DPY30: variants seen among roughly 807,000 people sequenced by gnomAD.
DPY30 encodes the protein protein dpy-30 homolog.
Under a neutral mutation model 16.2 loss-of-function variants are expected in DPY30, and 6 were observed. The observed-to-expected ratio is 0.37, with a 90% confidence interval of 0.20 to 0.73. The LOEUF (loss-of-function observed/expected upper bound fraction) is 0.73. Ranked by LOEUF, DPY30 falls within the 30% of genes least tolerant of loss-of-function variation. The pLI is 0.51. For missense variants in DPY30, 73 were observed against 113.1 expected, an observed-to-expected ratio of 0.65 and a Z score of 1.61; for synonymous variants, 39 against 38.8, an observed-to-expected ratio of 1.00 and a Z score of -0.02.
At chr2:32,019,619 T>C (rs1675132631), downstream of DPY30, among the ~76,000 whole-genome samples, 1 of 151,510 alleles carries the variant, frequency 6.6e-6, no homozygotes. Flanking sequence ...GTCAGGAGTT[T>C]GAGACCAGCC....
intron 4 of DPY30, among the ~76,000 whole-genome samples, chr2:32,029,279 A>G (rs1309930426): frequency 6.6e-6 from 1 of 152,156 alleles, no homozygotes; most frequent in Non-Finnish European, 1.5e-5. Flanking sequence ...TCAAAATAAC[A>G]ATAATAATAA....
At chr2:32,023,561 A>T (rs1167859575), downstream of DPY30, 4 of 539,302 alleles carry the variant, frequency 7.4e-6, no homozygotes, top group Non-Finnish European at 1.4e-5. Flanking sequence ...CCTGAAACTT[A>T]GTAGGAATGC....
chr2:32,027,462 G>A (rs1419674652), intron 4 of DPY30, among the ~76,000 whole-genome samples: 2 of 149,814 alleles, frequency 1.3e-5, no homozygotes, highest in African/African-American at 4.9e-5. Flanking sequence ...CCCAGGAGGT[G>A]GAGGTTGCAG....
chr2:32,018,343 G>T (rs1675101749), intron 5 of DPY30, among the ~76,000 whole-genome samples: 1 of 151,990 alleles, frequency 6.6e-6, no homozygotes, highest in South Asian at 2.1e-4. Flanking sequence ...GTGGAAGAAG[G>T]ACAATACAGA....
intron 3 of DPY30, among the ~76,000 whole-genome samples, chr2:32,033,323 A>T (rs946436170): frequency 5.9e-5 from 9 of 151,710 alleles, no homozygotes; most frequent in Non-Finnish European, 8.8e-5. Context: ...AAGAAAAAAA[A>T]TTTTAACTTG....
At chr2:32,026,509 G>A (rs1675336447) in intron 4 of DPY30, among the ~76,000 whole-genome samples, 1 of 152,152 alleles carries the variant, frequency 6.6e-6, no homozygotes, top group South Asian at 2.1e-4. Context: ...AATATTTGGA[G>A]GCCGAGTGTA....
intron 5 of DPY30, among the ~76,000 whole-genome samples, chr2:32,013,897 A>C (rs374247295): frequency 3.2e-4 from 48 of 152,174 alleles, no homozygotes; most frequent in East Asian, 2.1e-3. Flanking sequence ...AATCCCAGCA[A>C]CTCGGGAGGC....
At chr2:32,036,852 G>C (rs372452308) in intron 3 of DPY30, among the ~76,000 whole-genome samples, 3 of 152,042 alleles carry the variant, frequency 2.0e-5, no homozygotes, top group African/African-American at 7.2e-5. Context: ...CTGGGAGACA[G>C]AGCGAGACTC....
intron 3 of DPY30, among the ~76,000 whole-genome samples, chr2:32,036,870 A>G (rs975225624): frequency 9.9e-5 from 15 of 152,104 alleles, no homozygotes. Flanking sequence ...CTCTGTTTCA[A>G]AAAAAAGAAA....
downstream of DPY30, chr2:32,023,631 G>T: frequency 1.2e-6 from 1 of 867,274 alleles, no homozygotes; most frequent in Non-Finnish European, 1.7e-6. Flanking sequence ...TATCCCCTTT[G>T]CAATGCTTTT....
intron 3 of DPY30, among the ~76,000 whole-genome samples, chr2:32,035,891 G>A (rs1440758709): frequency 6.9e-6 from 1 of 145,966 alleles, no homozygotes; most frequent in Non-Finnish European, 1.5e-5. Flanking sequence ...CCGAGATCAC[G>A]CCATTGCACT....
chr2:32,034,900 G>A (rs988919345), intron 3 of DPY30, among the ~76,000 whole-genome samples: 2 of 152,068 alleles, frequency 1.3e-5, no homozygotes, highest in African/African-American at 2.4e-5. Context: ...TCGGGAGGCT[G>A]AGGCAGGAGA....
chr2:32,018,300 A>C (rs1675100651), intron 5 of DPY30, among the ~76,000 whole-genome samples: 1 of 152,230 alleles, frequency 6.6e-6, no homozygotes, highest in South Asian at 2.1e-4. Context: ...TTTGAAACTG[A>C]AATTTTTAGA....
intron 3 of DPY30, among the ~76,000 whole-genome samples, chr2:32,034,722 G>A (rs1276320950): frequency 6.6e-6 from 1 of 152,180 alleles, no homozygotes; most frequent in Non-Finnish European, 1.5e-5. Context: ...TAATACGCTG[G>A]CCACGGTGAC....
intron 4 of DPY30, among the ~76,000 whole-genome samples, chr2:32,028,052 T>C (rs1675398586): frequency 6.6e-6 from 1 of 151,914 alleles, no homozygotes; most frequent in Admixed American, 6.6e-5. Context: ...AGTTTTTATA[T>C]AAACAAATTA....
At chr2:32,039,514 C>T in intron 1 of DPY30, 22 bp from the exon 2 acceptor site, 1 of 1,612,400 alleles carries the variant, frequency 6.2e-7, no homozygotes, top group South Asian at 1.1e-5. Context: ...AGAAGAGCCG[C>T]GAGTTACCTG....
At chr2:32,019,167 C>G (rs1409447205), downstream of DPY30, among the ~76,000 whole-genome samples, 1 of 152,084 alleles carries the variant, frequency 6.6e-6, no homozygotes, top group Non-Finnish European at 1.5e-5. Flanking sequence ...GATCTCAGCT[C>G]ATTACAACCT....
intron 4 of DPY30, among the ~76,000 whole-genome samples, chr2:32,028,833 G>A (rs1344673965): frequency 6.6e-6 from 1 of 151,952 alleles, no homozygotes; most frequent in Non-Finnish European, 1.5e-5. Context: ...CGTGGTGGCA[G>A]GTGCCTGTAA....
chr2:32,037,074 A>T (rs1294205220), intron 3 of DPY30, among the ~76,000 whole-genome samples: 1 of 152,218 alleles, frequency 6.6e-6, no homozygotes, highest in African/African-American at 2.4e-5. Flanking sequence ...TCTTCTAAAA[A>T]CAAGGGCAAA....
Sources: gnomAD v4.1 joint callset for allele counts (sites outside exome capture counted in the v4.1 genomes callset) on GRCh38, gnomAD v4.1.1 for gene constraint, MANE v1.5 for transcripts, NCBI Gene and HGNC (gene_info 2026-07-23, HGNC 2026-07-21) for gene names.